The following CAMKK1 variants were observed in gnomAD, a reference collection of about 807,000 sequenced individuals.
CAMKK1 encodes calcium/calmodulin-dependent protein kinase kinase 1.
A neutral mutation model predicts 63.5 loss-of-function variants in CAMKK1; 20 were observed. That is an observed-to-expected ratio of 0.32 (90% CI 0.22 to 0.46). The LOEUF (loss-of-function observed/expected upper bound fraction) is 0.46, where lower values mean the gene tolerates loss of function less well. CAMKK1 is among the 20% of genes least tolerant of loss of function. The pLI is 1.00. For missense variants in CAMKK1, 588 were observed against 658.1 expected (o/e 0.89, Z 1.17); for synonymous variants, 253 against 269.0 (o/e 0.94, Z 0.58).
Position 3,862,317 on chromosome 17 carries a change from A to G in CAMKK1, c.1446-34T>C. 1 of 1,521,776 alleles carries G rather than the reference A, an allele frequency of 6.6e-7. No homozygotes were observed. 94.3% of individuals were successfully genotyped at this position (1,521,776 alleles called of 1,614,324 possible). A position where few individuals can be genotyped will look rare whatever the true frequency, so the allele number is the denominator to read the frequency against. ...GGGACACCAGGGACAGAGGGACCTC[A>G]GGGTCAGAATATGCACTCAGGGAGA... On this transcript the variant is annotated intron_variant, in intron 15 of 15. Coordinates refer to ENST00000348335, the MANE Select transcript of CAMKK1 (RefSeq NM_032294.3). This position sits in a 1 kb window ranked among gnomAD's most constrained non-coding sequence, Gnocchi z 4.1.
intron 14 of CAMKK1, among the ~76,000 whole-genome samples, chr17:3,867,024 A>G (rs907265994): frequency 1.3e-5 from 2 of 152,210 alleles, no homozygotes; most frequent in South Asian, 4.1e-4. Context: ...CCCAGCCATC[A>G]TACAGCTTAT....
At chr17:3,871,946 T>C (rs1362871862) in intron 12 of CAMKK1, among the ~76,000 whole-genome samples, 5 of 152,166 alleles carry the variant, frequency 3.3e-5, no homozygotes, top group Admixed American at 2.6e-4. Flanking sequence ...GCACCCGGCC[T>C]CCATTTCACT....
chr17:3,868,246 T>C lies in CAMKK1; in HGVS notation c.1341+1241A>G, dbSNP rs375027051. On this transcript the variant is annotated intron_variant, in intron 14 of 15. Coordinates refer to ENST00000348335, the MANE Select transcript of CAMKK1 (RefSeq NM_032294.3). Reference sequence around the variant, plus strand: ...AAGCAGGCGCCGTCTAACTGATACGTGGGCTCTGGGGGAGAAGCAGGCGCC... The same window carrying C: ...AAGCAGGCGCCGTCTAACTGATACGCGGGCTCTGGGGGAGAAGCAGGCGCC... Among the ~76,000 whole-genome samples, 38 of 77,302 alleles carry C rather than the reference T, an allele frequency of 4.9e-4. 1 individual carries two copies. Among genetic ancestry groups the C allele is most frequent in the South Asian group, 2.0e-3 (4 of 1,970 alleles). The allele number at this position is 77,302 out of a possible 152,430, so 50.7% of individuals were successfully genotyped here.
chr17:3,872,858 G>A (rs1261243089), intron 11 of CAMKK1, among the ~76,000 whole-genome samples: 2 of 152,160 alleles, frequency 1.3e-5, no homozygotes, highest in Non-Finnish European at 2.9e-5. Context: ...GCCACCCGCG[G>A]CCAGGCCAGG....
intron 1 of CAMKK1, among the ~76,000 whole-genome samples, chr17:3,886,447 C>G (rs1054966255): frequency 1.3e-5 from 2 of 152,172 alleles, no homozygotes; most frequent in Non-Finnish European, 2.9e-5. Context: ...GCCTGGCTAA[C>G]ATGGCAAAAC....
chr17:3,869,861 G>T lies in CAMKK1; in HGVS notation c.1152C>A (p.Asp384Glu), dbSNP rs753752574. Reference protein sequence around the residue: ...EEPEISEELKDLILKMLDKNP... With the variant: ...EEPEISEELKELILKMLDKNP... Reference sequence around the variant, plus strand: ...TCTTGTCTAACATCTTCAGGATCAGGTCCTTGAGCTCCTCGCTGATTTCTG... The same window carrying T: ...TCTTGTCTAACATCTTCAGGATCAGTTCCTTGAGCTCCTCGCTGATTTCTG... The change falls in exon 13 of 16, where the codon GAC (aspartate) becomes GAA (glutamate). Residue 384 changes from aspartate to glutamate, a missense_variant. By Grantham distance (45) the Asp-to-Glu change is conservative (BLOSUM62 2). Coordinates refer to ENST00000348335, the MANE Select transcript of CAMKK1 (RefSeq NM_032294.3). The T allele has an allele frequency of 6.2e-7, 1 of 1,614,204 alleles. No individual in the cohort carries two copies. The highest frequency in any genetic ancestry group is 1.1e-5 in the South Asian group (1 of 91,088).
intron 9 of CAMKK1, chr17:3,878,736 G>A (rs1306968400): frequency 6.6e-6 from 1 of 152,210 alleles, no homozygotes; most frequent in African/African-American, 2.4e-5. Flanking sequence ...CCCAGGGAAA[G>A]AATATGCTCC....
At chr17:3,867,344 C>T (rs543298431) in intron 14 of CAMKK1, among the ~76,000 whole-genome samples, 4 of 152,216 alleles carry the variant, frequency 2.6e-5, no homozygotes, top group South Asian at 4.1e-4. Flanking sequence ...TGCATGATGG[C>T]GGGACGGTGC....
Position 3,882,476 on chromosome 17 carries a change from C to T in CAMKK1, c.685+52G>A, listed in dbSNP as rs368399015. 4.4e-5 allele frequency: 70 copies of T among 1,599,836 alleles called. No homozygotes were observed. In the African/African-American group the frequency reaches 9.0e-4, roughly 20 times the overall value. On this transcript the variant is annotated intron_variant, in intron 7 of 15. Coordinates refer to ENST00000348335, the MANE Select transcript of CAMKK1 (RefSeq NM_032294.3). This position sits in a 1 kb window ranked among gnomAD's most constrained non-coding sequence, Gnocchi z 4.3. ...GAAGGTCATACATGTCCCAAGGGAG[C>T]CCTTGGGCCAGCCCTGAGTGAGCTG... is the stretch of plus-strand genomic sequence containing the variant.
Position 3,862,974 on chromosome 17 carries a change from A to C in CAMKK1, c.1446-691T>G, listed in dbSNP as rs1376461287. ...GTGTTGACCTCAGTCATCCCCCAGCAGATCTGGGTAGAGAGGCTTTCATTT... is the reference window on the plus strand; with the variant it reads ...GTGTTGACCTCAGTCATCCCCCAGCCGATCTGGGTAGAGAGGCTTTCATTT... On this transcript the variant is annotated intron_variant, in intron 15 of 15. Coordinates refer to ENST00000348335, the MANE Select transcript of CAMKK1 (RefSeq NM_032294.3). This position sits in a 1 kb window ranked among gnomAD's most constrained non-coding sequence, Gnocchi z 4.1. Among the ~76,000 whole-genome samples the C allele has an allele frequency of 6.6e-6, 1 of 152,120 alleles. No individual in the cohort carries two copies. Among genetic ancestry groups the C allele is most frequent in the Non-Finnish European group, 1.5e-5 (1 of 68,024 alleles).
At position 3,885,310 on chromosome 17, in the gene CAMKK1, T is replaced by C; in HGVS notation, c.360+18A>G. 6.4e-7 allele frequency: 1 copy of C among 1,564,860 alleles called. No homozygotes were observed. Among genetic ancestry groups the C allele is most frequent in the South Asian group, 1.2e-5 (1 of 84,156 alleles). On this transcript the variant is annotated intron_variant, in intron 2 of 15. Transcript: ENST00000348335. ...TACTGAGGGGCTCATGAACAACCCCTCGTTCTGCCCCACCAACCTCTGCAT... is the reference window on the plus strand; with the variant it reads ...TACTGAGGGGCTCATGAACAACCCCCCGTTCTGCCCCACCAACCTCTGCAT...
At chr17:3,865,353 C>G (rs2054477689) in intron 15 of CAMKK1, 1 of 987,922 alleles carries the variant, frequency 1.0e-6, no homozygotes, top group Non-Finnish European at 1.2e-6. Flanking sequence ...TGCTTACTCA[C>G]TGAACAAGCA....
At position 3,885,325 on chromosome 17, in the gene CAMKK1, A is replaced by G. The variant is rs749973491; in HGVS notation, c.360+3T>C. ...GAACAACCCCTCGTTCTGCCCCACCAACCTCTGCATCTGAGATGGCCACGT... is the reference window on the plus strand; with the variant it reads ...GAACAACCCCTCGTTCTGCCCCACCGACCTCTGCATCTGAGATGGCCACGT... On this transcript the variant is annotated splice_donor_region_variant and intron_variant, in intron 2 of 15. Coordinates refer to ENST00000348335, the MANE Select transcript of CAMKK1 (RefSeq NM_032294.3). 3.8e-6 allele frequency: 6 copies of G among 1,584,270 alleles called. No individual in the cohort carries two copies. Among genetic ancestry groups the G allele is most frequent in the Non-Finnish European group, 5.2e-6 (6 of 1,162,144 alleles).
Position 3,890,764 on chromosome 17 carries a change from G to A in CAMKK1, c.-44+2175C>T, listed in dbSNP as rs771333655. ...CTGCTGCCAGGCCTCAGTACAAGCT[G>A]TGCCTTCTGCCAGGAACACACCTCC... is the stretch of plus-strand genomic sequence containing the variant. On this transcript the variant is annotated intron_variant, in intron 1 of 15. Coordinates refer to ENST00000348335, the MANE Select transcript of CAMKK1 (RefSeq NM_032294.3). This position sits in a 1 kb window ranked among gnomAD's most constrained non-coding sequence, Gnocchi z 6.5. 3.8e-6 allele frequency: 3 copies of A among 779,794 alleles called. No individual in the cohort carries two copies. The East Asian group carries it at 7.3e-5, about 19-fold the overall frequency. The allele number at this position is 779,794 out of a possible 1,614,324, so 48.3% of individuals were successfully genotyped here.
Position 3,870,749 on chromosome 17 carries a change from T to C in CAMKK1, c.1125-861A>G, listed in dbSNP as rs1481943711. ...AGCAGAAAGCCACTCTCAGGACTGT[T>C]GACTTCGGTTCCCCCTGTTGTCTTA... On this transcript the variant is annotated intron_variant, in intron 12 of 15. Transcript: ENST00000348335. 4.6e-5 allele frequency among the ~76,000 whole-genome samples: 7 copies of C among 152,270 alleles called. No homozygotes were observed. The East Asian group carries it at 1.2e-3, about 25-fold the overall frequency.
rs1261860798 is a variant in CAMKK1 at position 3,893,053 on chromosome 17, C to T, written c.-158G>A. The T allele has an allele frequency of 6.7e-6, 1 of 148,654 alleles. No individual in the cohort carries two copies. Among genetic ancestry groups the T allele is most frequent in the Non-Finnish European group, 1.5e-5 (1 of 66,660 alleles). 9.2% of individuals were successfully genotyped at this position (148,654 alleles called of 1,614,324 possible). On this transcript the variant is annotated 5_prime_UTR_variant, in exon 1 of 16. Transcript: ENST00000348335. The surrounding 1 kb of genome is among the most constrained non-coding windows in gnomAD (Gnocchi z 4.6). ...CCTCGCTGGGGCCCAGATCGCCGAG[C>T]TCAGCCCGCGGGCGCCGCGGCTCCG...
At position 3,883,483 on chromosome 17, in the gene CAMKK1, A is replaced by G; in HGVS notation, c.463-3T>C. ...TTTTTGGAAAGGACTTTCATTGCCT[A>G]AGGAAGGAGGGACAGAAATGTCACT... On this transcript the variant is annotated splice_region_variant and splice_polypyrimidine_tract_variant and intron_variant, in intron 4 of 15. Transcript: ENST00000348335. This position sits in a 1 kb window ranked among gnomAD's most constrained non-coding sequence, Gnocchi z 4.7. The G allele has an allele frequency of 6.2e-7, 1 of 1,612,526 alleles. No individual in the cohort carries two copies. Among genetic ancestry groups the G allele is most frequent in the South Asian group, 1.1e-5 (1 of 91,062 alleles).
chr17:3,882,414 T>C lies in CAMKK1; in HGVS notation c.685+114A>G, dbSNP rs747256931. ...GGCTTCAGAACGTGTGTTTTTCTTC[T>C]GTCCCCAGGAGGTCAGTGCATTTAC... On this transcript the variant is annotated intron_variant, in intron 7 of 15. Coordinates refer to ENST00000348335, the MANE Select transcript of CAMKK1 (RefSeq NM_032294.3). This position sits in a 1 kb window ranked among gnomAD's most constrained non-coding sequence, Gnocchi z 4.3. 3.8e-6 allele frequency: 6 copies of C among 1,590,902 alleles called. No homozygotes were observed. The South Asian group carries it at 5.5e-5, about 15-fold the overall frequency.
chr17:3,890,186 C>T lies in CAMKK1; in HGVS notation c.-44+2753G>A, dbSNP rs2055838524. 6.6e-6 allele frequency among the ~76,000 whole-genome samples: 1 copy of T among 152,188 alleles called. No homozygotes were observed. The highest frequency in any genetic ancestry group is 6.5e-5 in the Admixed American group (1 of 15,288). ...CTGGATGGCCCTGGCAACGGGTGCC[C>T]TCCGCAGCTCCCGCCCCCACCCGGG... On this transcript the variant is annotated intron_variant, in intron 1 of 15. Coordinates refer to ENST00000348335, the MANE Select transcript of CAMKK1 (RefSeq NM_032294.3). The surrounding 1 kb of genome is among the most constrained non-coding windows in gnomAD (Gnocchi z 6.5).
Sources: gnomAD v4.1 joint callset for allele counts (sites outside exome capture counted in the v4.1 genomes callset) on GRCh38, gnomAD v4.1.1 for gene constraint, Gnocchi (gnomAD v3.1) non-coding constraint, MANE v1.5 for transcripts, NCBI Gene and HGNC (gene_info 2026-07-23, HGNC 2026-07-21) for gene names.